The following SLC16A7 variants were observed in gnomAD, a reference collection of about 807,000 sequenced individuals.
The protein encoded by SLC16A7 is solute carrier family 16 member 7.
A neutral mutation model predicts 34.9 loss-of-function variants in SLC16A7; 33 were observed. That is an observed-to-expected ratio of 0.94 (90% CI 0.72 to 1.26). SLC16A7 has a LOEUF of 1.26. SLC16A7 is among the 50% of genes most tolerant of loss of function. The pLI is 0.00. For synonymous variants in SLC16A7, 201 were observed against 206.6 expected (o/e 0.97, Z 0.23); for missense variants, 573 against 578.1 (o/e 0.99, Z 0.09).
At chr12:59,646,655 C>G (rs1868254196) in intron 1 of SLC16A7, among the ~76,000 whole-genome samples, 1 of 152,088 alleles carries the variant, frequency 6.6e-6, no homozygotes, top group Non-Finnish European at 1.5e-5. Flanking sequence ...AAGAAGAGGG[C>G]CACCATCCCC....
At chr12:59,619,276 A>G (rs2136978559) in intron 1 of SLC16A7, among the ~76,000 whole-genome samples, 1 of 152,216 alleles carries the variant, frequency 6.6e-6, no homozygotes, top group Non-Finnish European at 1.5e-5. Flanking sequence ...ATCTCTGTGT[A>G]AAATTGAATC....
At chr12:59,659,406 C>A (rs982556513) in intron 2 of SLC16A7, among the ~76,000 whole-genome samples, 1 of 152,040 alleles carries the variant, frequency 6.6e-6, no homozygotes, top group Non-Finnish European at 1.5e-5. Flanking sequence ...CCCTCATCCT[C>A]CTCCTAGCTT....
At chr12:59,704,513 A>C (rs556248945) in intron 2 of SLC16A7, among the ~76,000 whole-genome samples, 20 of 152,278 alleles carry the variant, frequency 1.3e-4, no homozygotes, top group Non-Finnish European at 2.9e-4. Context: ...CTAAATTCTT[A>C]ACTTCACTTT....
chr12:59,777,520 A>G (rs1882877458), intron 5 of SLC16A7, among the ~76,000 whole-genome samples: 1 of 152,062 alleles, frequency 6.6e-6, no homozygotes, highest in Admixed American at 6.6e-5. Flanking sequence ...TGCTCCTCTC[A>G]GAAAGAATTG....
intron 2 of SLC16A7, among the ~76,000 whole-genome samples, chr12:59,689,681 C>A (rs963013113): frequency 1.1e-4 from 17 of 151,754 alleles, no homozygotes; most frequent in African/African-American, 4.1e-4. Flanking sequence ...TAGAAGTATC[C>A]AGGAATTTTT....
chr12:59,619,105 T>C (rs1203346342), intron 1 of SLC16A7, among the ~76,000 whole-genome samples: 1 of 152,110 alleles, frequency 6.6e-6, no homozygotes, highest in Non-Finnish European at 1.5e-5. Flanking sequence ...AACATGAACA[T>C]TTTACCAAAT....
chr12:59,776,174 A>G (rs1882738712), intron 5 of SLC16A7, among the ~76,000 whole-genome samples: 1 of 152,210 alleles, frequency 6.6e-6, no homozygotes, highest in Admixed American at 6.6e-5. Flanking sequence ...GAGCATGACC[A>G]AAGAATACCC....
At chr12:59,645,326 TC>T (rs902073891) in intron 1 of SLC16A7, among the ~76,000 whole-genome samples, 8 of 152,172 alleles carry the variant, frequency 5.3e-5, no homozygotes, top group African/African-American at 1.9e-4. Context: ...TTGGGCTGTG[TC>T]CCCACCCAAA....
rs137973533 is a variant in SLC16A7, at chr12:59,744,887, C to T, written c.218-26332C>T. On this transcript the variant is annotated intron_variant, in intron 3 of 5. Coordinates refer to ENST00000547379, the MANE Select transcript of SLC16A7 (RefSeq NM_001270623.2). ...TTGCGAGGGGTGAAATGTAATGGGT[C>T]CCAGTGAGTGGAGTTTGCCCCTGCC... Among the ~76,000 whole-genome samples the T allele has an allele frequency of 8.3e-3, 1,269 of 152,228 alleles. 15 individuals carry two copies. The highest frequency in any genetic ancestry group is 8.8e-3 in the Non-Finnish European group (597 of 68,010).
intron 3 of SLC16A7, among the ~76,000 whole-genome samples, chr12:59,745,230 T>G (rs1878765907): frequency 6.6e-6 from 1 of 152,208 alleles, no homozygotes; most frequent in South Asian, 2.1e-4. Context: ...TTTGTCTTCC[T>G]TACCCTCAAA....
intron 3 of SLC16A7, among the ~76,000 whole-genome samples, chr12:59,764,560 C>A (rs1365712862): frequency 6.7e-6 from 1 of 149,442 alleles, no homozygotes; most frequent in African/African-American, 2.5e-5. Flanking sequence ...TCAATTCCCA[C>A]CTGTGAGTGA....
At chr12:59,605,857 A>G (rs181850206) in intron 1 of SLC16A7, among the ~76,000 whole-genome samples, 58 of 152,294 alleles carry the variant, frequency 3.8e-4, no homozygotes, top group Middle Eastern at 6.8e-3. Context: ...ATATAGCCCA[A>G]TGAAATTTCG....
At chr12:59,678,894 G>C (rs1870524217) in intron 2 of SLC16A7, among the ~76,000 whole-genome samples, 1 of 152,184 alleles carries the variant, frequency 6.6e-6, no homozygotes, top group Non-Finnish European at 1.5e-5. Flanking sequence ...TGTGCTTGTT[G>C]ATGCCCAAAG....
chr12:59,729,688 A>G (rs991081629), intron 3 of SLC16A7, among the ~76,000 whole-genome samples: 4 of 152,186 alleles, frequency 2.6e-5, no homozygotes, highest in African/African-American at 9.7e-5. Context: ...ATGGATCCTC[A>G]TCATGTAAAC....
intron 2 of SLC16A7, among the ~76,000 whole-genome samples, chr12:59,697,006 G>GA (rs1301311068): frequency 1.3e-5 from 2 of 151,726 alleles, no homozygotes; most frequent in Non-Finnish European, 2.9e-5. Context: ...AGATTAAGGA[G>GA]AAAAAACGCT....
intron 2 of SLC16A7, among the ~76,000 whole-genome samples, chr12:59,680,011 A>G (rs570811033): frequency 2.0e-5 from 3 of 152,282 alleles, no homozygotes; most frequent in Non-Finnish European, 2.9e-5. Context: ...CATTTTTGCA[A>G]TGCTCATGTG....
intron 1 of SLC16A7, among the ~76,000 whole-genome samples, chr12:59,631,059 C>T (rs918081290): frequency 7.2e-5 from 11 of 151,812 alleles, no homozygotes; most frequent in Non-Finnish European, 1.5e-4. Flanking sequence ...AGAATAGTTA[C>T]GGTGGCAAGG....
chr12:59,646,974 A>T (rs766921057), intron 1 of SLC16A7, among the ~76,000 whole-genome samples: 3 of 152,146 alleles, frequency 2.0e-5, no homozygotes, highest in Non-Finnish European at 4.4e-5. Context: ...TATATACCCA[A>T]TTCCTGTACC....
At chr12:59,759,378 T>C (rs1880766371) in intron 3 of SLC16A7, among the ~76,000 whole-genome samples, 1 of 152,000 alleles carries the variant, frequency 6.6e-6, no homozygotes, top group South Asian at 2.1e-4. Context: ...TTACTTCATA[T>C]TTATGGGCAT....
Sources: allele counts gnomAD v4.1 joint callset (sites outside exome capture counted in the v4.1 genomes callset), GRCh38; gene constraint gnomAD v4.1.1; transcripts MANE v1.5; gene names NCBI Gene and HGNC (gene_info 2026-07-23, HGNC 2026-07-21).